Variants in EEFSEC observed in about 807,000 individuals in gnomAD.
EEFSEC encodes eukaryotic elongation factor, selenocysteine-tRNA specific, also known as selenocysteine-specific elongation factor.
Under a neutral mutation model 42.1 loss-of-function variants are expected in EEFSEC, and 43 were observed. The observed-to-expected ratio is 1.02, with a 90% confidence interval of 0.80 to 1.32. The LOEUF is 1.32. Among genes scored for constraint, EEFSEC ranks in the 40% most tolerant of loss-of-function variants. The pLI, the probability that EEFSEC is intolerant of heterozygous loss-of-function variation, is 0.00. For missense variants in EEFSEC, 745 were observed against 803.6 expected (o/e 0.93, Z 0.88); for synonymous variants, 354 against 339.1 (o/e 1.04, Z -0.48).
At chr3:128,362,276 G>T (rs756273844) in intron 6 of EEFSEC, 11 of 509,144 alleles carry the variant, frequency 2.2e-5, no homozygotes, top group African/African-American at 1.7e-4. Flanking sequence ...AGCCCCTCCT[G>T]TTCCCACTTT....
intron 4 of EEFSEC, among the ~76,000 whole-genome samples, chr3:128,318,101 G>A (rs2066967226): frequency 6.6e-6 from 1 of 152,224 alleles, no homozygotes; most frequent in Non-Finnish European, 1.5e-5. Flanking sequence ...ACAGTGGGGA[G>A]AGCCAGGCCG....
chr3:128,370,082 A>G lies in EEFSEC; in HGVS notation c.1600+11709A>G, dbSNP rs371226358. On this transcript the variant is annotated intron_variant, in intron 6 of 6. Transcript: ENST00000254730. ...GGTGGCACCTGCGCTCAGTGCTGCC[A>G]CCAATAGTTTTACAACACTGATGTT... is the stretch of plus-strand genomic sequence containing the variant. Among the ~76,000 whole-genome samples the G allele has an allele frequency of 9.8e-5, 15 of 152,318 alleles. No individual in the cohort carries two copies. The South Asian group carries it at 3.1e-3, about 32-fold the overall frequency.
chr3:128,272,503 G>T (rs977184228), intron 4 of EEFSEC, among the ~76,000 whole-genome samples: 1 of 152,228 alleles, frequency 6.6e-6, no homozygotes, highest in Admixed American at 6.5e-5. Context: ...GGAGGCAGGA[G>T]AGTTGCCCAG....
Position 128,335,177 on chromosome 3 carries a change from G to A in EEFSEC, c.787-6056G>A, listed in dbSNP as rs554529056. On this transcript the variant is annotated intron_variant, in intron 4 of 6. Coordinates refer to ENST00000254730, the MANE Select transcript of EEFSEC (RefSeq NM_021937.5). ...AGGCCTCCCACATTCCAGGCATGGCGCTGGGCACTGCAGATAGAAATGGAA... is the reference window on the plus strand; with the variant it reads ...AGGCCTCCCACATTCCAGGCATGGCACTGGGCACTGCAGATAGAAATGGAA... Among the ~76,000 whole-genome samples, 3 of 152,340 alleles carry A rather than the reference G, an allele frequency of 2.0e-5. No homozygotes were observed. In the South Asian group the frequency reaches 6.2e-4, roughly 32 times the overall value.
downstream of EEFSEC, among the ~76,000 whole-genome samples, chr3:128,410,233 G>A (rs2068164736): frequency 6.6e-6 from 1 of 152,194 alleles, no homozygotes; most frequent in African/African-American, 2.4e-5. Flanking sequence ...CCTCAGTGTG[G>A]GGCTGAGCTG....
intron 1 of EEFSEC, among the ~76,000 whole-genome samples, chr3:128,222,139 T>C (rs984340985): frequency 6.7e-6 from 1 of 150,020 alleles, no homozygotes. Flanking sequence ...GTTCAAGCGA[T>C]TCTCATGCCC....
chr3:128,224,656 C>T (rs1576558713), intron 1 of EEFSEC, among the ~76,000 whole-genome samples: 1 of 152,224 alleles, frequency 6.6e-6, no homozygotes, highest in East Asian at 1.9e-4. Context: ...TTTATGAGAT[C>T]TTGAGTCATT....
intron 4 of EEFSEC, among the ~76,000 whole-genome samples, chr3:128,275,017 A>G (rs1176771160): frequency 6.6e-6 from 1 of 152,180 alleles, no homozygotes; most frequent in African/African-American, 2.4e-5. Context: ...TGCTGGGCTT[A>G]CCGAAACTTG....
chr3:128,253,114 C>T (rs1169751052), intron 2 of EEFSEC, among the ~76,000 whole-genome samples: 3 of 152,226 alleles, frequency 2.0e-5, no homozygotes, highest in Non-Finnish European at 4.4e-5. Flanking sequence ...AAGGGCCAGA[C>T]ACCTGGCCCA....
chr3:128,162,999 G>C (rs536201273), intron 1 of EEFSEC, among the ~76,000 whole-genome samples: 2 of 152,088 alleles, frequency 1.3e-5, no homozygotes, highest in East Asian at 1.9e-4. Flanking sequence ...AATAGGATTC[G>C]GGCAGGCATC....
chr3:128,207,952 A>C (rs1211901635), intron 1 of EEFSEC, among the ~76,000 whole-genome samples: 2 of 152,326 alleles, frequency 1.3e-5, no homozygotes, highest in East Asian at 3.9e-4. Flanking sequence ...AGGGGGTGCT[A>C]GGCTGTTGGT....
At chr3:128,265,153 C>CACTG (rs56226498) in intron 4 of EEFSEC, among the ~76,000 whole-genome samples, 130,457 of 151,886 alleles carry the variant, frequency 0.86, 56,234 homozygotes, top group East Asian at 0.99. Context: ...CCTTTCTGGA[C>CACTG]GCTGTACGTC....
At chr3:128,225,387 T>A (rs1343500560) in intron 1 of EEFSEC, among the ~76,000 whole-genome samples, 1 of 152,190 alleles carries the variant, frequency 6.6e-6, no homozygotes, top group Non-Finnish European at 1.5e-5. Flanking sequence ...TGAAGCTACA[T>A]GGCTACAGGG....
At chr3:128,190,688 T>C (rs961482218) in intron 1 of EEFSEC, among the ~76,000 whole-genome samples, 1 of 152,230 alleles carries the variant, frequency 6.6e-6, no homozygotes, top group Admixed American at 6.5e-5. Context: ...GCCCTAGGCC[T>C]TCACATTCAC....
intron 1 of EEFSEC, among the ~76,000 whole-genome samples, chr3:128,198,850 G>A (rs1359113664): frequency 2.1e-5 from 3 of 142,350 alleles, no homozygotes; most frequent in Non-Finnish European, 3.1e-5. Context: ...TTCTTTTTTT[G>A]AGGTGGAGTC....
chr3:128,170,013 G>T (rs2065279305), intron 1 of EEFSEC, among the ~76,000 whole-genome samples: 1 of 152,152 alleles, frequency 6.6e-6, no homozygotes, highest in Admixed American at 6.5e-5. Context: ...GTTTGGCATG[G>T]GACTTGGTCA....
chr3:128,409,314 A>G (rs917402341), downstream of EEFSEC, among the ~76,000 whole-genome samples: 16 of 151,882 alleles, frequency 1.1e-4, no homozygotes, highest in South Asian at 6.2e-4. Flanking sequence ...AAATATTAAC[A>G]GGGGCAGGTT....
intron 6 of EEFSEC, among the ~76,000 whole-genome samples, chr3:128,389,580 C>G (rs1301528172): frequency 6.6e-6 from 1 of 152,252 alleles, no homozygotes; most frequent in South Asian, 2.1e-4. Flanking sequence ...TGAGCCCACG[C>G]TGCTGGGTGA....
the EEFSEC span, among the ~76,000 whole-genome samples, chr3:128,415,330 T>C: frequency 6.6e-6 from 1 of 151,910 alleles, no homozygotes; most frequent in South Asian, 2.1e-4. Flanking sequence ...TTGCTTGAGA[T>C]GCCCATGGGC....
Sources: gnomAD v4.1 joint callset for allele counts (sites outside exome capture counted in the v4.1 genomes callset) on GRCh38, gnomAD v4.1.1 for gene constraint, MANE v1.5 for transcripts, NCBI Gene and HGNC (gene_info 2026-07-23, HGNC 2026-07-21) for gene names.